The following CFAP74 variants were observed in gnomAD, a reference collection of about 807,000 sequenced individuals.
CFAP74 encodes the protein cilia and flagella associated protein 74.
In CFAP74, 124 loss-of-function variants were observed where a neutral mutation model predicts 188.9. The observed-to-expected ratio is 0.66, with a 90% CI of 0.57 to 0.76. The LOEUF is 0.76. Ranked by LOEUF, CFAP74 falls within the 30% of genes least tolerant of loss-of-function variation. The pLI is 0.00. For missense variants in CFAP74, 2,198 were observed against 2,165.2 expected (o/e 1.02, Z -0.30); for synonymous variants, 956 against 916.7 (o/e 1.04, Z -0.77).
chr1:1,956,880 G>T, intron 16 of CFAP74, 96 bp from the exon 17 acceptor site: 1 of 1,292,290 alleles, frequency 7.7e-7, no homozygotes, highest in South Asian at 1.3e-5. Flanking sequence ...GGGCTGCCCT[G>T]AGCATTTGTG....
At position 1,940,337 on chromosome 1, in the gene CFAP74, C is replaced by T; in HGVS notation, c.2682G>A (p.Met894Ile). Residue 894 changes from methionine (M) to isoleucine (I), a missense_variant, in exon 23 of 39, where the codon ATG becomes ATA. Met to Ile is a conservative substitution (Grantham distance 10). Transcript: ENST00000682832. ...DKETRVLEAPMTIWVADQNKP... is the reference protein window; with the variant it reads ...DKETRVLEAPITIWVADQNKP... ...AGACCTGGTCGGCAACCCATATGGT[C>T]ATCGGGGCCTCCAGGACTCGGGTCT... is the stretch of plus-strand genomic sequence containing the variant. The T allele has an allele frequency of 6.5e-7, 1 of 1,535,810 alleles. No individual in the cohort carries two copies.
chr1:1,987,518 A>G (rs374477295), intron 4 of CFAP74, among the ~76,000 whole-genome samples: 10 of 151,088 alleles, frequency 6.6e-5, no homozygotes, highest in African/African-American at 2.4e-4. Flanking sequence ...ACAACGGAGC[A>G]AAGCCCAGAG....
intron 1 of CFAP74, among the ~76,000 whole-genome samples, chr1:1,998,448 G>A (rs1300240418): frequency 6.6e-6 from 1 of 152,134 alleles, no homozygotes; most frequent in Non-Finnish European, 1.5e-5. Context: ...CGTAGGGAGG[G>A]GTAATGGGAG....
At chr1:1,938,072 A>G (rs927971354) in intron 25 of CFAP74, among the ~76,000 whole-genome samples, 2 of 147,958 alleles carry the variant, frequency 1.4e-5, no homozygotes, top group East Asian at 2.0e-4. Context: ...TTACACACCC[A>G]ACACACACGC....
Position 1,999,795 on chromosome 1 carries a change from C to T in CFAP74, c.-20+3906G>A, listed in dbSNP as rs374177737. Among the ~76,000 whole-genome samples, 462 of 152,024 alleles carry T rather than the reference C, an allele frequency of 3.0e-3. 2 individuals carry two copies. The South Asian group carries it at 0.031, about 10-fold the overall frequency. On this transcript the variant is annotated intron_variant, in intron 1 of 38. Coordinates refer to ENST00000682832, the MANE Select transcript of CFAP74 (RefSeq NM_001304360.2). ...TTGTGCCACTGCACTACAGCTTAGG[C>T]GACAGAGCAAGACTCTGTCTCAAAC...
At chr1:1,987,089 A>C in intron 4 of CFAP74, 54 bp from the exon 5 acceptor site, 9 of 1,474,766 alleles carry the variant, frequency 6.1e-6, no homozygotes, top group Non-Finnish European at 8.4e-6. Context: ...CCAGCCTCCA[A>C]AGTGACAGTG....
chr1:1,971,147 A>G (rs1570945959), intron 9 of CFAP74, among the ~76,000 whole-genome samples: 3 of 148,256 alleles, frequency 2.0e-5, no homozygotes, highest in Admixed American at 6.6e-5. Context: ...ATGCTCGCAC[A>G]TGCACACCTG....
At chr1:1,963,549 C>T (rs1457172953) in intron 14 of CFAP74, among the ~76,000 whole-genome samples, 200 bp downstream of exon 14, 3 of 149,848 alleles carry the variant, frequency 2.0e-5, no homozygotes, top group East Asian at 3.9e-4. Flanking sequence ...TCCAGCCATT[C>T]GTGAAGGGAA....
intron 18 of CFAP74, 42 bp downstream of exon 18, chr1:1,955,649 C>T (rs962271529): frequency 1.9e-6 from 3 of 1,603,182 alleles, no homozygotes; most frequent in South Asian, 2.2e-5. Context: ...CTGAGGCCCT[C>T]ACCGCCCGCC....
At chr1:1,960,168 A>AC (rs1433191350) in intron 14 of CFAP74, 138 bp from the exon 15 acceptor site, 1 of 708,330 alleles carries the variant, frequency 1.4e-6, no homozygotes, top group Admixed American at 3.1e-5. Context: ...AGCCGCCTTC[A>AC]CCCCGGGGAG....
intron 32 of CFAP74, 119 bp downstream of exon 32, chr1:1,926,109 G>T: frequency 1.4e-6 from 2 of 1,422,268 alleles, no homozygotes; most frequent in South Asian, 3.0e-5. Flanking sequence ...CAGGCTGCTC[G>T]CAGACCCAGG....
At chr1:1,998,041 G>A (rs2102120320) in intron 1 of CFAP74, among the ~76,000 whole-genome samples, 1 of 152,354 alleles carries the variant, frequency 6.6e-6, no homozygotes, top group East Asian at 1.9e-4. Flanking sequence ...ACTTTGGGAG[G>A]CTGAGGCGGG....
intron 1 of CFAP74, among the ~76,000 whole-genome samples, chr1:2,003,130 G>A (rs1658285226): frequency 6.6e-6 from 1 of 152,088 alleles, no homozygotes; most frequent in Non-Finnish European, 1.5e-5. Flanking sequence ...ACTGATGTTC[G>A]ATTTATAACC....
At chr1:1,981,205 A>G (rs1206073978) in intron 6 of CFAP74, among the ~76,000 whole-genome samples, 1 of 152,242 alleles carries the variant, frequency 6.6e-6, no homozygotes, top group Non-Finnish European at 1.5e-5. Context: ...ACCCTGCAAC[A>G]ATCCCACTGA....
chr1:1,942,822 A>G lies in CFAP74; in HGVS notation c.2487-666T>C, dbSNP rs1034001210. Among the ~76,000 whole-genome samples the G allele has an allele frequency of 5.3e-5, 8 of 152,104 alleles. No individual in the cohort carries two copies. The highest frequency in any genetic ancestry group is 1.9e-4 in the African/African-American group (8 of 41,494). ...TAAACAGTGTTGTGGCCGCCCCGCC[A>G]CAGCTGCCCCGGGCAATCCACGAGG... On this transcript the variant is annotated intron_variant, in intron 21 of 38. Coordinates refer to ENST00000682832, the MANE Select transcript of CFAP74 (RefSeq NM_001304360.2). The surrounding 1 kb of genome is among the most constrained non-coding windows in gnomAD (Gnocchi z 4.3).
chr1:1,963,279 G>A (rs912538012), intron 14 of CFAP74, among the ~76,000 whole-genome samples: 6 of 151,650 alleles, frequency 4.0e-5, no homozygotes, highest in Non-Finnish European at 5.9e-5. Flanking sequence ...GGTAAAACCC[G>A]GTCTCTACTA....
chr1:1,959,077 A>G, intron 16 of CFAP74, 43 bp downstream of exon 16: 1 of 1,259,776 alleles, frequency 7.9e-7, no homozygotes, highest in African/African-American at 1.5e-5. Context: ...GTTCCCAGCC[A>G]GCATGCCCCG....
At chr1:1,939,123 TCAA>T (rs949721835) in intron 24 of CFAP74, 135 bp from the exon 25 acceptor site, 100 of 931,738 alleles carry the variant, frequency 1.1e-4, no homozygotes, top group South Asian at 9.2e-4. Context: ...AGTGTCGCTG[TCAA>T]CGAGTGTGTG....
Position 1,975,011 on chromosome 1 carries a change from G to T in CFAP74, c.501-813C>A, listed in dbSNP as rs571965138. On this transcript the variant is annotated intron_variant, in intron 6 of 38. Coordinates refer to ENST00000682832, the MANE Select transcript of CFAP74 (RefSeq NM_001304360.2). This position sits in a 1 kb window ranked among gnomAD's most constrained non-coding sequence, Gnocchi z 4.5. ...CACCCAGAGATGCGGCTCAGGCCGGGGCTGGCCACGCGAGGATCAGAACCC... is the reference window on the plus strand; with the variant it reads ...CACCCAGAGATGCGGCTCAGGCCGGTGCTGGCCACGCGAGGATCAGAACCC... Among the ~76,000 whole-genome samples, 1 of 152,372 alleles carries T rather than the reference G, an allele frequency of 6.6e-6. No individual in the cohort carries two copies. The highest frequency in any genetic ancestry group is 2.4e-5 in the African/African-American group (1 of 41,588).
Sources: allele counts gnomAD v4.1 joint callset (sites outside exome capture counted in the v4.1 genomes callset), GRCh38; gene constraint gnomAD v4.1.1; non-coding constraint Gnocchi (gnomAD v3.1); transcripts MANE v1.5; gene names NCBI Gene and HGNC (gene_info 2026-07-23, HGNC 2026-07-21).